Variants in EYS observed in about 807,000 individuals in gnomAD.
EYS encodes EGF-like photoreceptor maintenance factor, also known as protein eyes shut homolog.
Under a neutral mutation model 282.1 loss-of-function variants are expected in EYS, and 250 were observed. That is an observed-to-expected ratio of 0.89 (90% CI 0.80 to 0.98). The LOEUF (loss-of-function observed/expected upper bound fraction) is 0.98. Ranked by LOEUF, EYS falls within the 50% of genes least tolerant of loss-of-function variation. The pLI, the probability that EYS is intolerant of heterozygous loss-of-function variation, is 0.00. For missense variants in EYS, 4,016 were observed against 3,709.0 expected (o/e 1.08, Z -2.15); for synonymous variants, 1,355 against 1,282.9 (o/e 1.06, Z -1.20).
chr6:64,431,996 G>T (rs1387942647), intron 28 of EYS, among the ~76,000 whole-genome samples: 4 of 152,002 alleles, frequency 2.6e-5, no homozygotes, highest in African/African-American at 9.7e-5. Flanking sequence ...TTTTCAAAAT[G>T]CTTTGTAATT....
At chr6:65,414,468 T>C (rs2150372245) in intron 5 of EYS, among the ~76,000 whole-genome samples, 1 of 152,272 alleles carries the variant, frequency 6.6e-6, no homozygotes, top group South Asian at 2.1e-4. Flanking sequence ...ATTAGGATGC[T>C]AGTGAAGAAG....
chr6:63,824,304 C>T (rs965048502), intron 36 of EYS, among the ~76,000 whole-genome samples: 7 of 152,040 alleles, frequency 4.6e-5, no homozygotes, highest in African/African-American at 7.2e-5. Context: ...GGAAACATGA[C>T]GGTATGGAGT....
chr6:64,909,438 G>T (rs988539656), intron 16 of EYS, among the ~76,000 whole-genome samples: 18 of 151,996 alleles, frequency 1.2e-4, no homozygotes, highest in African/African-American at 4.1e-4. Flanking sequence ...GCCTTCCTAT[G>T]TGTTATTTTT....
At chr6:64,319,528 G>A (rs1306054747) in intron 29 of EYS, among the ~76,000 whole-genome samples, 1 of 151,914 alleles carries the variant, frequency 6.6e-6, no homozygotes, top group Non-Finnish European at 1.5e-5. Context: ...ACATGCTCTC[G>A]ATATTGGATT....
intron 5 of EYS, among the ~76,000 whole-genome samples, chr6:65,477,944 G>A (rs542347135): frequency 6.6e-6 from 1 of 152,216 alleles, no homozygotes; most frequent in South Asian, 2.1e-4. Flanking sequence ...TTTCAAATAT[G>A]TCTGTCAGAA....
At chr6:65,095,598 T>C (rs1257296197) in intron 12 of EYS, among the ~76,000 whole-genome samples, 2 of 151,174 alleles carry the variant, frequency 1.3e-5, no homozygotes, top group African/African-American at 2.4e-5. Flanking sequence ...ATCTTTCTAA[T>C]GAAGAAGAGC....
chr6:64,682,813 A>G (rs1769946799), intron 22 of EYS, among the ~76,000 whole-genome samples: 1 of 152,082 alleles, frequency 6.6e-6, no homozygotes, highest in Admixed American at 6.6e-5. Flanking sequence ...TTTTTAAATA[A>G]ACTTCCGCTC....
At chr6:64,954,640 T>A (rs1464563056) in intron 14 of EYS, among the ~76,000 whole-genome samples, 1 of 152,076 alleles carries the variant, frequency 6.6e-6, no homozygotes, top group East Asian at 1.9e-4. Flanking sequence ...CACTTGTAAG[T>A]TTTGAACCAC....
intron 29 of EYS, among the ~76,000 whole-genome samples, chr6:64,324,950 G>A (rs556166531): frequency 6.6e-5 from 10 of 152,208 alleles, no homozygotes; most frequent in African/African-American, 1.9e-4. Context: ...AAACACTGCC[G>A]AAAGAAATCA....
chr6:64,067,646 C>T (rs972526423), intron 32 of EYS, among the ~76,000 whole-genome samples: 1 of 152,092 alleles, frequency 6.6e-6, no homozygotes, highest in African/African-American at 2.4e-5. Context: ...TAATGTCCTA[C>T]TTTTACTAAT....
intron 34 of EYS, among the ~76,000 whole-genome samples, chr6:63,994,478 CT>C (rs1767744865): frequency 6.6e-6 from 1 of 151,782 alleles, no homozygotes; most frequent in Non-Finnish European, 1.5e-5. Flanking sequence ...CCTGAAAGGC[CT>C]TGAATTCCTT....
chr6:65,063,491 T>C (rs1482272149), intron 12 of EYS, among the ~76,000 whole-genome samples: 1 of 151,926 alleles, frequency 6.6e-6, no homozygotes, highest in Non-Finnish European at 1.5e-5. Context: ...GTCAGAAAAA[T>C]GGGGGTAAAT....
chr6:64,343,992 C>G (rs1582629157), intron 29 of EYS, among the ~76,000 whole-genome samples: 1 of 152,136 alleles, frequency 6.6e-6, no homozygotes, highest in East Asian at 1.9e-4. Flanking sequence ...TACACACTCC[C>G]AAGACTAAAC....
chr6:65,651,406 T>C (rs1282414986), intron 1 of EYS, among the ~76,000 whole-genome samples: 3 of 152,066 alleles, frequency 2.0e-5, no homozygotes, highest in Non-Finnish European at 4.4e-5. Context: ...TTGGAGACAA[T>C]GTTTATATTA....
At chr6:64,407,071 G>A (rs1027800856) in intron 28 of EYS, among the ~76,000 whole-genome samples, 3 of 152,174 alleles carry the variant, frequency 2.0e-5, no homozygotes, top group South Asian at 2.1e-4. Flanking sequence ...ATGATGGAAT[G>A]GATAAAGAAA....
chr6:64,110,166 A>G (rs569238261), intron 31 of EYS, among the ~76,000 whole-genome samples: 33 of 151,356 alleles, frequency 2.2e-4, no homozygotes, highest in African/African-American at 8.1e-4. Context: ...TAGAATCTAA[A>G]GAATCTTTTT....
chr6:65,560,266 T>C (rs893899680), intron 2 of EYS, among the ~76,000 whole-genome samples: 1 of 144,308 alleles, frequency 6.9e-6, no homozygotes, highest in African/African-American at 2.5e-5. Context: ...ATATATAATA[T>C]ATAACATATA....
intron 15 of EYS, among the ~76,000 whole-genome samples, chr6:64,913,513 AT>A (rs1178221167): frequency 6.6e-6 from 1 of 151,922 alleles, no homozygotes; most frequent in Non-Finnish European, 1.5e-5. Flanking sequence ...ATGATATTAG[AT>A]TTTCTGTTTC....
rs138128008 is a variant in EYS at position 65,663,558 on chromosome 6, T to C, written c.-447-23666A>G. 2.8e-4 allele frequency among the ~76,000 whole-genome samples: 42 copies of C among 152,300 alleles called. No homozygotes were observed. The East Asian group carries it at 8.1e-3, about 29-fold the overall frequency. On this transcript the variant is annotated intron_variant, in intron 1 of 42. Coordinates refer to ENST00000503581, the MANE Select transcript of EYS (RefSeq NM_001142800.2). ...TACTGGAGGCATCAGGGAAACCAAA[T>C]GGGTTCATTGGCCAAAGTGGGCAGA... is the stretch of plus-strand genomic sequence containing the variant.
Sources: allele counts gnomAD v4.1 joint callset (sites outside exome capture counted in the v4.1 genomes callset), GRCh38; gene constraint gnomAD v4.1.1; transcripts MANE v1.5; gene names NCBI Gene and HGNC (gene_info 2026-07-23, HGNC 2026-07-21).